Variants in DPP9 observed in about 807,000 individuals in gnomAD.
DPP9 encodes dipeptidyl peptidase IV-related protein-2.
Under a neutral mutation model 110.7 loss-of-function variants are expected in DPP9, and 50 were observed. The observed-to-expected ratio is 0.45, with a 90% CI of 0.36 to 0.57. The LOEUF is 0.57. DPP9 is among the 20% of genes least tolerant of loss of function. The probability of loss-of-function intolerance (pLI) is 0.00; values close to 1 mark genes in which losing one functional copy is unlikely to be tolerated. For missense variants in DPP9, 1,022 were observed against 1,217.9 expected (o/e 0.84, Z 2.39); for synonymous variants, 561 against 514.4 (o/e 1.09, Z -1.23).
intron 7 of DPP9, among the ~76,000 whole-genome samples, chr19:4,703,271 G>A (rs1031934655): frequency 6.6e-6 from 1 of 152,094 alleles, no homozygotes; most frequent in African/African-American, 2.4e-5. Flanking sequence ...GGGCAGAAAT[G>A]CCCAGGGGCA....
At chr19:4,719,525 C>T (rs1331382162) in intron 3 of DPP9, 1 of 402,414 alleles carries the variant, frequency 2.5e-6, no homozygotes, top group Non-Finnish European at 4.7e-6. Flanking sequence ...CACTTGGTGA[C>T]ATCTGGAGAC....
chr19:4,684,782 C>T lies in DPP9; in HGVS notation c.2059G>A (p.Gly687Ser). The change falls in exon 18 of 22, where the codon GGC becomes AGC. Residue 687 changes from glycine to serine, a missense_variant. Transcript: ENST00000262960. This position sits in a 1 kb window ranked among gnomAD's most constrained non-coding sequence, Gnocchi z 4.8. The stretch of plus-strand genomic sequence containing the variant: ...GTGTTGAGCCGCAAGTACTTGATGC[C>T]TTTGAAGGAGTTATTCACCAGCTGC... ...QVQLVNNSFK[G>S]IKYLRLNTLA... The T allele has an allele frequency of 6.2e-7, 1 of 1,600,092 alleles. No individual in the cohort carries two copies. Among genetic ancestry groups the T allele is most frequent in the Non-Finnish European group, 8.5e-7 (1 of 1,173,928 alleles).
chr19:4,694,853 A>G lies in DPP9; in HGVS notation c.1354-30T>C. ...CCGGAAAGCAGATAGAAGATGCGTCAGAAGGTGTGGGTGGCCGGGCATGGT... is the reference window on the plus strand; with the variant it reads ...CCGGAAAGCAGATAGAAGATGCGTCGGAAGGTGTGGGTGGCCGGGCATGGT... On this transcript the variant is annotated intron_variant, in intron 12 of 21. Transcript: ENST00000262960. The surrounding 1 kb of genome is among the most constrained non-coding windows in gnomAD (Gnocchi z 4.0). 1 of 1,610,790 alleles carries G rather than the reference A, an allele frequency of 6.2e-7. No individual in the cohort carries two copies. Among genetic ancestry groups the G allele is most frequent in the South Asian group, 1.1e-5 (1 of 90,848 alleles).
At chr19:4,719,083 A>G (rs1205129373) in intron 3 of DPP9, 1 of 152,060 alleles carries the variant, frequency 6.6e-6, no homozygotes, top group Non-Finnish European at 1.5e-5. Flanking sequence ...TAATCCCAGC[A>G]CTTTGGGAGG....
At chr19:4,711,423 C>G (rs898779498) in intron 4 of DPP9, among the ~76,000 whole-genome samples, 9 of 152,018 alleles carry the variant, frequency 5.9e-5, no homozygotes, top group Non-Finnish European at 1.3e-4. Flanking sequence ...GGCTCTTGAG[C>G]TGAGGAGATG....
intron 3 of DPP9, chr19:4,719,568 G>C: frequency 2.0e-6 from 1 of 501,576 alleles, no homozygotes; most frequent in Admixed American, 3.2e-5. Flanking sequence ...GGGAGCTCCT[G>C]GCATGAAGTG....
At chr19:4,688,953 C>A in intron 15 of DPP9, 61 bp from the exon 16 acceptor site, 1 of 1,480,768 alleles carries the variant, frequency 6.8e-7, no homozygotes, top group Non-Finnish European at 8.8e-7. Context: ...CCACTGGGTG[C>A]CGACCGCAGA....
chr19:4,723,341 G>A (rs780285695), intron 1 of DPP9, among the ~76,000 whole-genome samples: 5 of 152,150 alleles, frequency 3.3e-5, no homozygotes, highest in Non-Finnish European at 4.4e-5. Context: ...CAGCTACGAG[G>A]ACGTTCTTGG....
At chr19:4,703,685 G>A (rs867836907) in intron 7 of DPP9, among the ~76,000 whole-genome samples, 1 of 138,398 alleles carries the variant, frequency 7.2e-6, no homozygotes, top group African/African-American at 3.4e-5. Context: ...AAAAAAAAAA[G>A]AAAGAAAGAA....
Position 4,694,763 on chromosome 19 carries a change from G to A in DPP9, c.1414C>T (p.Arg472Cys), listed in dbSNP as rs532896006. The A allele has an allele frequency of 6.2e-6, 10 of 1,613,902 alleles. No individual in the cohort carries two copies. The highest frequency in any genetic ancestry group is 1.1e-5 in the South Asian group (1 of 91,072). ...AAGCCGGTCTTGCATTCATTGGCGC[G>A]GAGAAAGCAGAGCTCGTCCTCTCCC... ...SEGEDELCFL[R>C]ANECKTGFCH... The change falls in exon 13 of 22, where the codon CGC becomes TGC. Residue 472 changes from arginine to cysteine, a missense_variant. This residue lies in a region of DPP9 where 810 missense variants were observed against 920.6 expected (regional missense o/e 0.88). Coordinates refer to ENST00000262960, the MANE Select transcript of DPP9 (RefSeq NM_139159.5). The surrounding 1 kb of genome is among the most constrained non-coding windows in gnomAD (Gnocchi z 4.0).
intron 4 of DPP9, among the ~76,000 whole-genome samples, chr19:4,707,116 T>C (rs963333594): frequency 9.9e-5 from 15 of 152,186 alleles, no homozygotes. Context: ...GCGAGGGTTT[T>C]GGGTGGATTA....
At chr19:4,697,922 G>T (rs943684269) in intron 10 of DPP9, among the ~76,000 whole-genome samples, 1 of 152,202 alleles carries the variant, frequency 6.6e-6, no homozygotes, top group African/African-American at 2.4e-5. Flanking sequence ...ATAGAGGGAA[G>T]CCGTCTTGAG....
In DPP9 at chr19:4,703,955, T is replaced by G. The variant is rs750393698; in HGVS notation, c.700A>C (p.Asn234His). 6.2e-7 allele frequency: 1 copy of G among 1,613,854 alleles called. No individual in the cohort carries two copies. The highest frequency in any genetic ancestry group is 8.5e-7 in the Non-Finnish European group (1 of 1,179,826). Residue 234 changes from asparagine (N) to histidine (H), a missense_variant, in exon 7 of 22, where the codon AAT becomes CAT. This residue lies in a region of DPP9 where 810 missense variants were observed against 920.6 expected (regional missense o/e 0.88). Coordinates refer to ENST00000262960, the MANE Select transcript of DPP9 (RefSeq NM_139159.5). The part of the protein sequence containing the change: ...PADPAFFSFI[N>H]NSDLWVANIE... ...TTGGCCACCCACAGGTCGCTGTTAT[T>G]GATGAAGGAGAAGAAGGCAGGGTCG...
chr19:4,722,293 T>C (rs182604916), intron 2 of DPP9: 2 of 567,800 alleles, frequency 3.5e-6, no homozygotes, highest in Admixed American at 3.1e-5. Context: ...AAAAAGCTCC[T>C]TCCAGGGGCA....
intron 5 of DPP9, among the ~76,000 whole-genome samples, chr19:4,705,100 AG>A (rs2092513410): frequency 1.3e-5 from 2 of 152,184 alleles, no homozygotes; most frequent in South Asian, 4.1e-4. Flanking sequence ...GGCCAAAGTG[AG>A]GGCCAGTGAA....
intron 2 of DPP9, among the ~76,000 whole-genome samples, chr19:4,721,788 G>C (rs2093334871): frequency 6.6e-6 from 1 of 152,172 alleles, no homozygotes; most frequent in African/African-American, 2.4e-5. Flanking sequence ...AAAAACAAAA[G>C]AAGAGAGGGA....
chr19:4,705,674 G>A (rs1341299856), intron 5 of DPP9, among the ~76,000 whole-genome samples, 184 bp downstream of exon 5: 5 of 152,242 alleles, frequency 3.3e-5, no homozygotes, highest in Non-Finnish European at 5.9e-5. Flanking sequence ...TTTCTCTGTC[G>A]CTTGAGTACA....
chr19:4,717,336 C>T lies in DPP9; in HGVS notation c.56+2515G>A, dbSNP rs543034712. On this transcript the variant is annotated intron_variant, in intron 3 of 21. Coordinates refer to ENST00000262960, the MANE Select transcript of DPP9 (RefSeq NM_139159.5). Reference sequence around the variant, plus strand: ...GGGAGCCACAAGCAGCGTTAGGCAGCGGCTGGGACCAGGACCGCCTGAGCA... The same window carrying T: ...GGGAGCCACAAGCAGCGTTAGGCAGTGGCTGGGACCAGGACCGCCTGAGCA... Among the ~76,000 whole-genome samples, 16 of 152,316 alleles carry T rather than the reference C, an allele frequency of 1.1e-4. No homozygotes were observed. The South Asian group carries it at 1.4e-3, about 14-fold the overall frequency.
chr19:4,720,578 G>A (rs1204247336), intron 2 of DPP9, among the ~76,000 whole-genome samples: 2 of 152,154 alleles, frequency 1.3e-5, no homozygotes, highest in African/African-American at 4.8e-5. Context: ...AATTCCAGTT[G>A]TCCCCTTCCC....
Sources: gnomAD v4.1 joint callset for allele counts (sites outside exome capture counted in the v4.1 genomes callset) on GRCh38, gnomAD v4.1.1 for gene constraint, gnomAD v4.1.1 regional missense constraint, Gnocchi (gnomAD v3.1) non-coding constraint, MANE v1.5 for transcripts, NCBI Gene and HGNC (gene_info 2026-07-23, HGNC 2026-07-21) for gene names.